Variants in ACOX3 observed in about 807,000 individuals in gnomAD.
The protein encoded by ACOX3 is peroxisomal acyl-coenzyme A oxidase 3.
Under a neutral mutation model 81.5 loss-of-function variants are expected in ACOX3, and 73 were observed. That is an observed-to-expected ratio of 0.90 (90% CI 0.74 to 1.09). The LOEUF (loss-of-function observed/expected upper bound fraction) is 1.09. Among genes scored for constraint, ACOX3 ranks in the 50% least tolerant of loss-of-function variants. The pLI is 0.00. For missense variants in ACOX3, 947 were observed against 928.0 expected (o/e 1.02, Z -0.27); for synonymous variants, 387 against 375.1 (o/e 1.03, Z -0.37).
chr4:8,365,193 C>T (rs184894151), downstream of ACOX3, among the ~76,000 whole-genome samples: 1,297 of 152,326 alleles, frequency 8.5e-3, 20 homozygotes, highest in African/African-American at 0.029. Context: ...GGGTGGCAGC[C>T]TCAGTGGGGA....
rs762172759 is a variant in ACOX3, at chr4:8,416,420, C to T, written c.102G>A (p.Glu34=). Residue 34 remains glutamate (E), a synonymous_variant, in exon 2 of 18, where the codon GAG becomes GAA. Transcript: ENST00000356406. This position sits in a 1 kb window ranked among gnomAD's most constrained non-coding sequence, Gnocchi z 4.2. ...YRARASFSWK[E]LALFTEGEGM... ...CCTCCCCTTCCGTGAACAGCGCCAG[C>T]TCCTTCCAGCTGAAGGACGCTCTTG... 6.2e-7 allele frequency: 1 copy of T among 1,614,228 alleles called. No homozygotes were observed. Among genetic ancestry groups the T allele is most frequent in the Non-Finnish European group, 8.5e-7 (1 of 1,180,044 alleles).
At chr4:8,427,116 G>T (rs1723566166) in intron 1 of ACOX3, among the ~76,000 whole-genome samples, 1 of 152,290 alleles carries the variant, frequency 6.6e-6, no homozygotes, top group East Asian at 1.9e-4. Context: ...CATGGGGCTT[G>T]TAACTCAGCT....
chr4:8,394,005 T>C lies in ACOX3; in HGVS notation c.1179+615A>G, dbSNP rs1272703133. The stretch of plus-strand genomic sequence containing the variant: ...CGATAATATTTCAAGATATGCTAAT[T>C]AGATACAGGCTTTTTCTGATGTTGT... On this transcript the variant is annotated intron_variant, in intron 10 of 17. Coordinates refer to ENST00000356406, the MANE Select transcript of ACOX3 (RefSeq NM_003501.3). The surrounding 1 kb of genome is among the most constrained non-coding windows in gnomAD (Gnocchi z 5.9). Among the ~76,000 whole-genome samples, 3 of 152,240 alleles carry C rather than the reference T, an allele frequency of 2.0e-5. No individual in the cohort carries two copies. The highest frequency in any genetic ancestry group is 7.2e-5 in the African/African-American group (3 of 41,470).
rs193202955 is a variant in ACOX3, at chr4:8,400,543, C to T, written c.777-891G>A. On this transcript the variant is annotated intron_variant, in intron 7 of 17. Coordinates refer to ENST00000356406, the MANE Select transcript of ACOX3 (RefSeq NM_003501.3). The surrounding 1 kb of genome is among the most constrained non-coding windows in gnomAD (Gnocchi z 4.4). The stretch of plus-strand genomic sequence containing the variant: ...GAACAGCTGAGCATAGGATTACACA[C>T]ACATTGTTATGGATCATGATGTATT... 3.8e-3 allele frequency among the ~76,000 whole-genome samples: 579 copies of T among 152,284 alleles called. 5 individuals are homozygous for T. Among genetic ancestry groups the T allele is most frequent in the African/African-American group, 0.013 (541 of 41,560 alleles).
chr4:8,373,515 GT>G, intron 16 of ACOX3, 45 bp downstream of exon 16: 1 of 1,601,792 alleles, frequency 6.2e-7, no homozygotes, highest in Non-Finnish European at 8.5e-7. Flanking sequence ...GCTCTGGGCG[GT>G]TGTGTAACAT....
chr4:8,439,645 C>T (rs1304000977), intron 1 of ACOX3, among the ~76,000 whole-genome samples: 1 of 152,216 alleles, frequency 6.6e-6, no homozygotes, highest in Non-Finnish European at 1.5e-5. Context: ...ACAAAGTTGG[C>T]ACATGTGCCT....
At chr4:8,378,101 C>T (rs1399191394) in intron 14 of ACOX3, among the ~76,000 whole-genome samples, 1 of 152,216 alleles carries the variant, frequency 6.6e-6, no homozygotes, top group Non-Finnish European at 1.5e-5. Context: ...CGTAAACCTT[C>T]AGCACAGGAG....
Position 8,389,862 on chromosome 4 carries a change from T to TG in ACOX3, c.1301-129dup. On this transcript the variant is annotated intron_variant, in intron 11 of 17. Transcript: ENST00000356406. This position sits in a 1 kb window ranked among gnomAD's most constrained non-coding sequence, Gnocchi z 5.3. ...GCTCACACCTGTAATGGCAGCACTT[T>TG]GGGGGGCCGAGGCGGGTGGATCACT... is the stretch of plus-strand genomic sequence containing the variant. 3 of 1,275,248 alleles carry TG rather than the reference T, an allele frequency of 2.4e-6. No individual in the cohort carries two copies. The highest frequency in any genetic ancestry group is 1.1e-6 in the Non-Finnish European group (1 of 922,452). 79.0% of individuals were successfully genotyped at this position (1,275,248 alleles called of 1,614,324 possible). A position where few individuals can be genotyped will look rare whatever the true frequency, so the allele number is the denominator to read the frequency against.
intron 14 of ACOX3, among the ~76,000 whole-genome samples, chr4:8,378,051 C>A (rs867092276): frequency 8.5e-5 from 13 of 152,216 alleles, no homozygotes; most frequent in Admixed American, 2.0e-4. Context: ...AGGACTGTGA[C>A]AGGCACTTCT....
At position 8,399,430 on chromosome 4, in the gene ACOX3, G is replaced by A; in HGVS notation, c.873+126C>T. 1.3e-6 allele frequency: 1 copy of A among 771,862 alleles called. No homozygotes were observed. Among genetic ancestry groups the A allele is most frequent in the South Asian group, 1.8e-5 (1 of 56,518 alleles). The allele number at this position is 771,862 out of a possible 1,614,324, so 47.8% of individuals were successfully genotyped here. A position where few individuals can be genotyped will look rare whatever the true frequency, so the allele number is the denominator to read the frequency against. Reference sequence around the variant, plus strand: ...CCAGAACCCGAGCCAGGAGAAGTATGCCCCAGCGACACCTGGCCTACGTGG... The same window carrying A: ...CCAGAACCCGAGCCAGGAGAAGTATACCCCAGCGACACCTGGCCTACGTGG... On this transcript the variant is annotated intron_variant, in intron 8 of 17. Coordinates refer to ENST00000356406, the MANE Select transcript of ACOX3 (RefSeq NM_003501.3). This position sits in a 1 kb window ranked among gnomAD's most constrained non-coding sequence, Gnocchi z 4.9.
intron 14 of ACOX3, among the ~76,000 whole-genome samples, chr4:8,377,631 C>T (rs779906346): frequency 3.9e-5 from 6 of 152,196 alleles, no homozygotes; most frequent in Non-Finnish European, 7.3e-5. Context: ...CATGATACTG[C>T]GCTGTTCTTC....
At position 8,370,432 on chromosome 4, in the gene ACOX3, T is replaced by C. The variant is rs1420362782; in HGVS notation, c.1983+476A>G. On this transcript the variant is annotated intron_variant, in intron 17 of 17. Transcript: ENST00000356406. The surrounding 1 kb of genome is among the most constrained non-coding windows in gnomAD (Gnocchi z 6.3). ...GAGCTGAGGAGCCACAGGGAGGCGG[T>C]TGGGGGAAAGCGGGGCAGGGGAGAG... 1.3e-5 allele frequency among the ~76,000 whole-genome samples: 2 copies of C among 151,134 alleles called. No homozygotes were observed. The highest frequency in any genetic ancestry group is 3.9e-4 in the East Asian group (2 of 5,116).
rs905746527 is a variant in ACOX3 at position 8,394,741 on chromosome 4, T to C, written c.1058A>G (p.Gln353Arg). The change falls in exon 10 of 18, where the codon CAA becomes CGA. Residue 353 changes from glutamine (Q) to arginine (R), a missense_variant and splice_region_variant. By Grantham distance (43) the Gln-to-Arg change is conservative (BLOSUM62 1). Coordinates refer to ENST00000356406, the MANE Select transcript of ACOX3 (RefSeq NM_003501.3). The surrounding 1 kb of genome is among the most constrained non-coding windows in gnomAD (Gnocchi z 5.9). ...EIPVLEYPMQ[Q>R]WRLLPYLAAV... ...TGCCAGATATGGAAGCAAGCGCCAT[T>C]GCTAGAACAGACAAGACACCTGCGT... is the stretch of plus-strand genomic sequence containing the variant. 1.2e-6 allele frequency: 2 copies of C among 1,612,770 alleles called. No individual in the cohort carries two copies. The highest frequency in any genetic ancestry group is 2.2e-5 in the South Asian group (2 of 90,996).
At chr4:8,422,039 G>T (rs1312655919) in intron 1 of ACOX3, among the ~76,000 whole-genome samples, 1 of 152,214 alleles carries the variant, frequency 6.6e-6, no homozygotes, top group Non-Finnish European at 1.5e-5. Flanking sequence ...ATTAAAGGGA[G>T]GCGCATATTC....
rs754534168 is a variant in ACOX3 at position 8,381,799 on chromosome 4, G to A, written c.1538-192C>T. ...AGCACAGGGAGGGCACCTGCCCAGG[G>A]CCCCCCTGGCTGGAGGCACTTCCTG... On this transcript the variant is annotated intron_variant, in intron 13 of 17. Coordinates refer to ENST00000356406, the MANE Select transcript of ACOX3 (RefSeq NM_003501.3). This position sits in a 1 kb window ranked among gnomAD's most constrained non-coding sequence, Gnocchi z 4.3. 6.6e-6 allele frequency among the ~76,000 whole-genome samples: 1 copy of A among 152,190 alleles called. No individual in the cohort carries two copies. The highest frequency in any genetic ancestry group is 1.5e-5 in the Non-Finnish European group (1 of 68,014).
rs16842247 is a variant in ACOX3 at position 8,414,987 on chromosome 4, G to A, written c.379-59C>T. 7.4e-3 allele frequency: 10,941 copies of A among 1,477,006 alleles called. 662 individuals carry two copies. The African/African-American group carries it at 0.13, about 17-fold the overall frequency. The allele number at this position is 1,477,006 out of a possible 1,614,324, so 91.5% of individuals were successfully genotyped here. A position where few individuals can be genotyped will look rare whatever the true frequency, so the allele number is the denominator to read the frequency against. ...CAGGTAAGAAGAGTACTGCTCTTCC[G>A]GAACATCACAACAGACAACGGCACT... On this transcript the variant is annotated intron_variant, in intron 3 of 17. Transcript: ENST00000356406. This position sits in a 1 kb window ranked among gnomAD's most constrained non-coding sequence, Gnocchi z 6.1.
In ACOX3 at chr4:8,437,097, A is replaced by G. The variant is rs1724292602; in HGVS notation, c.-15+3551T>C. On this transcript the variant is annotated intron_variant, in intron 1 of 17. Coordinates refer to ENST00000356406, the MANE Select transcript of ACOX3 (RefSeq NM_003501.3). The surrounding 1 kb of genome is among the most constrained non-coding windows in gnomAD (Gnocchi z 5.2). The stretch of plus-strand genomic sequence containing the variant: ...TAGAAATATATACACGTAAATATAT[A>G]TATTTACATATATATGTAAAAAAAT... Among the ~76,000 whole-genome samples the G allele has an allele frequency of 9.7e-6, 1 of 103,374 alleles. No individual in the cohort carries two copies. The highest frequency in any genetic ancestry group is 1.9e-5 in the Non-Finnish European group (1 of 53,434). The allele number at this position is 103,374 out of a possible 152,430, so 67.8% of individuals were successfully genotyped here.
At chr4:8,375,361 G>A (rs1178983404) in intron 14 of ACOX3, among the ~76,000 whole-genome samples, 1 of 152,218 alleles carries the variant, frequency 6.6e-6, no homozygotes, top group Non-Finnish European at 1.5e-5. Context: ...AGATGGAGCT[G>A]GGACTGCTCT....
intron 8 of ACOX3, among the ~76,000 whole-genome samples, chr4:8,397,546 C>T (rs952865631): frequency 3.9e-5 from 6 of 152,234 alleles, no homozygotes; most frequent in African/African-American, 7.2e-5. Context: ...GGGGGTTTCA[C>T]GGACACCTCT....
Sources: gnomAD v4.1 joint callset for allele counts (sites outside exome capture counted in the v4.1 genomes callset) on GRCh38, gnomAD v4.1.1 for gene constraint, Gnocchi (gnomAD v3.1) non-coding constraint, MANE v1.5 for transcripts, NCBI Gene and HGNC (gene_info 2026-07-23, HGNC 2026-07-21) for gene names.